The following ELMO2 variants were observed in gnomAD, a reference collection of about 807,000 sequenced individuals.
ELMO2 encodes the protein engulfment and cell motility protein 2.
In ELMO2, 37 loss-of-function variants were observed where a neutral mutation model predicts 96.2. The ratio of observed to expected loss-of-function variants is 0.38; its 90% CI spans 0.30 to 0.51. The LOEUF (loss-of-function observed/expected upper bound fraction) is 0.51, where lower values mean the gene tolerates loss of function less well. Among genes scored for constraint, ELMO2 ranks in the 20% least tolerant of loss-of-function variants. The probability of loss-of-function intolerance (pLI) is 0.88; values close to 1 mark genes in which losing one functional copy is unlikely to be tolerated. For missense variants in ELMO2, 561 were observed against 912.6 expected, an observed-to-expected ratio of 0.61 and a Z score of 4.96; for synonymous variants, 315 against 329.4, an observed-to-expected ratio of 0.96 and a Z score of 0.47.
chr20:46,370,150 T>C (rs537242477), intron 20 of ELMO2: 32 of 531,184 alleles, frequency 6.0e-5, no homozygotes, highest in African/African-American at 2.3e-4. Context: ...GGCAATGTTA[T>C]ACACTATACG....
At chr20:46,379,480 A>G (rs2145794149) in intron 11 of ELMO2, among the ~76,000 whole-genome samples, 1 of 152,244 alleles carries the variant, frequency 6.6e-6, no homozygotes, top group East Asian at 1.9e-4. Context: ...CATGTCTTTC[A>G]TGTGCTCTTT....
At chr20:46,406,042 G>T (rs1318931953) in intron 1 of ELMO2, among the ~76,000 whole-genome samples, 1 of 152,172 alleles carries the variant, frequency 6.6e-6, no homozygotes, top group Non-Finnish European at 1.5e-5. Context: ...CGCAGGAGGT[G>T]GAAAGTACAT....
In ELMO2 at chr20:46,386,267, C is replaced by G. The variant is rs1233235499; in HGVS notation, c.534G>C (p.Gly178=). ...VSITFIKQIA[G]YVSQPMVDVS... ...CGTCCACCATGGGCTGGCTCACATA[C>G]CCTGCAATCTAGACCCAGAGATGGC... is the stretch of plus-strand genomic sequence containing the variant. The change falls in exon 9 of 22, where the codon GGG becomes GGC. Residue 178 remains glycine (G), a synonymous_variant. Coordinates refer to ENST00000290246, the MANE Select transcript of ELMO2 (RefSeq NM_133171.5). 4 of 1,613,862 alleles carry G rather than the reference C, an allele frequency of 2.5e-6. No individual in the cohort carries two copies. The African/African-American group carries it at 5.3e-5, about 22-fold the overall frequency.
At chr20:46,376,823 G>A in intron 11 of ELMO2, 2 of 1,285,762 alleles carry the variant, frequency 1.6e-6, no homozygotes, top group Admixed American at 2.3e-5. Flanking sequence ...CTCTAGGGCT[G>A]TGCTGTCCAG....
At chr20:46,381,724 G>A (rs1269496180) in intron 10 of ELMO2, among the ~76,000 whole-genome samples, 4 of 152,114 alleles carry the variant, frequency 2.6e-5, no homozygotes, top group South Asian at 2.1e-4. Flanking sequence ...TCATCTCCTC[G>A]CAAAGCTGAC....
chr20:46,398,221 T>A (rs1359914267), intron 2 of ELMO2, among the ~76,000 whole-genome samples: 1 of 152,214 alleles, frequency 6.6e-6, no homozygotes, highest in African/African-American at 2.4e-5. Flanking sequence ...ACTAGATAAG[T>A]CTGATTTGTT....
chr20:46,377,767 A>G (rs1222598750), intron 11 of ELMO2, among the ~76,000 whole-genome samples: 1 of 152,178 alleles, frequency 6.6e-6, no homozygotes, highest in African/African-American at 2.4e-5. Flanking sequence ...CTTAAGCGTG[A>G]GATCGCTCTT....
At chr20:46,403,721 C>T (rs902064129) in intron 1 of ELMO2, among the ~76,000 whole-genome samples, 10 of 152,170 alleles carry the variant, frequency 6.6e-5, no homozygotes, top group South Asian at 2.1e-4. Context: ...TGACATACAC[C>T]GCCCAATCAC....
chr20:46,373,927 CTTT>C (rs3091499), intron 15 of ELMO2, among the ~76,000 whole-genome samples: 86 of 126,488 alleles, frequency 6.8e-4, no homozygotes, highest in African/African-American at 8.9e-4. Context: ...CCACTGACAT[CTTT>C]TTTTTTTTTT....
chr20:46,399,255 A>C (rs1253404103), intron 1 of ELMO2, among the ~76,000 whole-genome samples: 2 of 152,234 alleles, frequency 1.3e-5, no homozygotes, highest in Non-Finnish European at 2.9e-5. Context: ...TCACAGCAAG[A>C]ACTCACCATT....
intron 21 of ELMO2, among the ~76,000 whole-genome samples, chr20:46,368,331 T>C (rs775213527): frequency 1.3e-4 from 20 of 152,118 alleles, no homozygotes; most frequent in Non-Finnish European, 2.4e-4. Context: ...CTTCCAGTGC[T>C]GCAGATGGAA....
chr20:46,404,898 A>C (rs6094302), intron 1 of ELMO2, among the ~76,000 whole-genome samples: 2,064 of 152,326 alleles, frequency 0.014, 38 homozygotes, highest in African/African-American at 0.047. Flanking sequence ...GGCTCACATT[A>C]CATTTCTATT....
intron 1 of ELMO2, among the ~76,000 whole-genome samples, chr20:46,405,234 T>A (rs1481606362): frequency 6.6e-6 from 1 of 152,088 alleles, no homozygotes; most frequent in Non-Finnish European, 1.5e-5. Context: ...GTACCCAGGG[T>A]GATAAACGTG....
chr20:46,401,871 T>G (rs1299648341), intron 1 of ELMO2, among the ~76,000 whole-genome samples: 3 of 152,214 alleles, frequency 2.0e-5, no homozygotes, highest in Non-Finnish European at 4.4e-5. Flanking sequence ...CAGCCTCATC[T>G]GTGATCCCAG....
chr20:46,400,323 C>T (rs1178588549), intron 1 of ELMO2, among the ~76,000 whole-genome samples: 1 of 152,156 alleles, frequency 6.6e-6, no homozygotes, highest in Non-Finnish European at 1.5e-5. Context: ...TTCTGTTCTC[C>T]AGATAATATT....
chr20:46,381,853 C>T (rs908680735), intron 10 of ELMO2, among the ~76,000 whole-genome samples: 2 of 152,242 alleles, frequency 1.3e-5, no homozygotes, highest in African/African-American at 4.8e-5. Context: ...GATACCTTTT[C>T]TCTTCCACTA....
At chr20:46,400,495 T>A (rs541898653) in intron 1 of ELMO2, among the ~76,000 whole-genome samples, 2 of 152,380 alleles carry the variant, frequency 1.3e-5, no homozygotes, top group African/African-American at 4.8e-5. Context: ...CACTCAGCAG[T>A]ACTGTAGCTC....
intron 2 of ELMO2, among the ~76,000 whole-genome samples, chr20:46,397,783 T>G (rs2060271813): frequency 6.6e-6 from 1 of 152,098 alleles, no homozygotes; most frequent in African/African-American, 2.4e-5. Context: ...GCGAATACCA[T>G]GGCAAGCCAA....
At chr20:46,387,193 AGAC>A in intron 8 of ELMO2, 142 bp downstream of exon 8, 2 of 649,972 alleles carry the variant, frequency 3.1e-6, no homozygotes. Context: ...AAGCCACAGA[AGAC>A]TAGAGCTTGA....
Sources: allele counts gnomAD v4.1 joint callset (sites outside exome capture counted in the v4.1 genomes callset), GRCh38; gene constraint gnomAD v4.1.1; transcripts MANE v1.5; gene names NCBI Gene and HGNC (gene_info 2026-07-23, HGNC 2026-07-21).